MANBA: variants seen among roughly 807,000 people sequenced by gnomAD.
MANBA encodes mannosidase beta, also known as beta-mannosidase.
In MANBA, 83 loss-of-function variants were observed where a neutral mutation model predicts 111.1. The observed-to-expected ratio is 0.75, with a 90% CI of 0.63 to 0.90. The LOEUF (loss-of-function observed/expected upper bound fraction) is 0.90. Among genes scored for constraint, MANBA ranks in the 40% least tolerant of loss-of-function variants. The pLI is 0.00. For synonymous variants in MANBA, 370 were observed against 378.7 expected, an observed-to-expected ratio of 0.98 and a Z score of 0.27; for missense variants, 1,036 against 1,069.0, an observed-to-expected ratio of 0.97 and a Z score of 0.43.
Position 102,723,953 on chromosome 4 carries a change from A to C in MANBA, c.287T>G (p.Val96Gly). Residue 96 changes from valine (V) to glycine (G), a missense_variant, in exon 3 of 17, where the codon GTA becomes GGA. Physicochemically the swap from Val to Gly is moderately radical, Grantham distance 109 (BLOSUM62 -3). Coordinates refer to ENST00000647097, the MANE Select transcript of MANBA (RefSeq NM_005908.4). Reference protein sequence around the residue: ...IPFEISKWQKVNLILEGVDTV... With the variant: ...IPFEISKWQKGNLILEGVDTV... ...ATCCACTCCCTCAAGAATCAAATTT[A>C]CTTTTTGCCATTTGCTAAAAAAAAG... The C allele has an allele frequency of 1.1e-5, 18 of 1,605,732 alleles. No individual in the cohort carries two copies. The highest frequency in any genetic ancestry group is 1.4e-5 in the Non-Finnish European group (17 of 1,173,338).
At position 102,648,543 on chromosome 4, in the gene MANBA, A is replaced by G. The variant is rs148292684; in HGVS notation, c.1869+1994T>C. On this transcript the variant is annotated intron_variant, in intron 13 of 16. Coordinates refer to ENST00000647097, the MANE Select transcript of MANBA (RefSeq NM_005908.4). ...GTTGAGAAAAGTAAAATCTATAGAG[A>G]CAGAAAATAGATTTATGTTGTCTTG... Among the ~76,000 whole-genome samples, 348 of 152,234 alleles carry G rather than the reference A, an allele frequency of 2.3e-3. 1 individual carries two copies. Among genetic ancestry groups the G allele is most frequent in the African/African-American group, 8.1e-3 (338 of 41,554 alleles).
intron 13 of MANBA, among the ~76,000 whole-genome samples, chr4:102,642,790 T>G (rs1409606433): frequency 6.6e-6 from 1 of 152,068 alleles, no homozygotes; most frequent in Non-Finnish European, 1.5e-5. Context: ...CAATATCCCT[T>G]TCCTCCAGAG....
At chr4:102,652,254 C>T (rs1045823990) in intron 12 of MANBA, among the ~76,000 whole-genome samples, 1 of 152,190 alleles carries the variant, frequency 6.6e-6, no homozygotes, top group Non-Finnish European at 1.5e-5. Flanking sequence ...CCCTCCCTGG[C>T]AACCCTTCCA....
chr4:102,706,880 AC>A (rs1733321619), intron 5 of MANBA, among the ~76,000 whole-genome samples: 1 of 152,134 alleles, frequency 6.6e-6, no homozygotes, highest in African/African-American at 2.4e-5. Flanking sequence ...GTCAAACAAA[AC>A]TTTTTTAAAA....
intron 1 of MANBA, chr4:102,734,373 G>C: frequency 6.2e-7 from 1 of 1,609,920 alleles, no homozygotes; most frequent in Non-Finnish European, 8.5e-7. Flanking sequence ...CTCTGACCTA[G>C]ACTTCTCACC....
chr4:102,685,189 T>C (rs1401201940), intron 7 of MANBA, among the ~76,000 whole-genome samples: 1 of 152,216 alleles, frequency 6.6e-6, no homozygotes, highest in African/African-American at 2.4e-5. Context: ...GAAGTGCTAG[T>C]AATTAATGTT....
chr4:102,733,867 ACAT>A (rs1160267820), intron 1 of MANBA, among the ~76,000 whole-genome samples: 4 of 152,264 alleles, frequency 2.6e-5, no homozygotes, highest in Non-Finnish European at 5.9e-5. Context: ...ATCTTTAACT[ACAT>A]TTGTTGTAAT....
At position 102,630,859 on chromosome 4, in the gene MANBA, C is replaced by T. The variant is rs1385275465; in HGVS notation, c.*1198G>A. ...AAACTGAGCACAGGAAGTTAAGTAA[C>T]TTGATTAAGGTTACAGAACTAGTAA... On this transcript the variant is annotated 3_prime_UTR_variant, in exon 17 of 17. Transcript: ENST00000647097. 1 of 152,194 alleles carries T rather than the reference C, an allele frequency of 6.6e-6. No individual in the cohort carries two copies. The highest frequency in any genetic ancestry group is 2.4e-5 in the African/African-American group (1 of 41,434). 9.4% of individuals were successfully genotyped at this position (152,194 alleles called of 1,614,324 possible).
intron 7 of MANBA, among the ~76,000 whole-genome samples, chr4:102,676,953 C>T (rs1024430788): frequency 1.3e-5 from 2 of 152,118 alleles, no homozygotes; most frequent in Admixed American, 1.3e-4. Flanking sequence ...TAAGACTGTC[C>T]TTGATAAAGC....
intron 1 of MANBA, among the ~76,000 whole-genome samples, chr4:102,755,722 T>C (rs1723985108): frequency 6.6e-6 from 1 of 152,200 alleles, no homozygotes. Flanking sequence ...AATCTATCCA[T>C]CTGACAAAGG....
At chr4:102,639,927 C>T in intron 13 of MANBA, 70 bp from the exon 14 acceptor site, 7 of 1,558,634 alleles carry the variant, frequency 4.5e-6, no homozygotes, top group Non-Finnish European at 6.2e-6. Context: ...GAGAAAAATA[C>T]AGGGTTTAGT....
rs756659815 is a variant in MANBA, at chr4:102,650,606, T to C, written c.1800A>G (p.Gly600=). ...TGCTTTGGGGGAGTTTGAAATGAAG[T>C]CCAGCCTGATAAAGCATTTGTTTGT... The part of the protein sequence containing the change: ...GGNKQMLYQA[G]LHFKLPQSTD... Residue 600 remains glycine (G), a synonymous_variant, in exon 13 of 17, where the codon GGA becomes GGG. Coordinates refer to ENST00000647097, the MANE Select transcript of MANBA (RefSeq NM_005908.4). 9.9e-6 allele frequency: 16 copies of C among 1,613,398 alleles called. No individual in the cohort carries two copies. The East Asian group carries it at 3.6e-4, about 36-fold the overall frequency.
chr4:102,745,992 G>A (rs535151488), intron 1 of MANBA, among the ~76,000 whole-genome samples: 3 of 152,282 alleles, frequency 2.0e-5, no homozygotes, highest in Non-Finnish European at 2.9e-5. Context: ...GAGAATCAAC[G>A]TTATTTTGCC....
chr4:102,730,901 C>T (rs1560803457), intron 1 of MANBA, among the ~76,000 whole-genome samples: 1 of 152,182 alleles, frequency 6.6e-6, no homozygotes, highest in Non-Finnish European at 1.5e-5. Flanking sequence ...TAACTCACAT[C>T]TGTTCCCTTG....
Position 102,726,672 on chromosome 4 carries a change from G to A in MANBA, c.189C>T (p.Tyr63=), listed in dbSNP as rs538324672. ...ATCTGTAGTTAAGGTCATTAAATCTGTAGTAAGAATCCTGTTGATACAAGG... is the reference window on the plus strand; with the variant it reads ...ATCTGTAGTTAAGGTCATTAAATCTATAGTAAGAATCCTGTTGATACAAGG... The part of the protein sequence containing the change: ...FQQGLIQDSY[Y]RFNDLNYRWV... The change falls in exon 2 of 17, where the codon TAC becomes TAT. Residue 63 remains tyrosine (Y), a synonymous_variant. Coordinates refer to ENST00000647097, the MANE Select transcript of MANBA (RefSeq NM_005908.4). The A allele has an allele frequency of 1.3e-6, 2 of 1,527,798 alleles. No individual in the cohort carries two copies. The highest frequency in any genetic ancestry group is 1.1e-5 in the South Asian group (1 of 88,830). The allele number at this position is 1,527,798 out of a possible 1,614,324, so 94.6% of individuals were successfully genotyped here.
intron 1 of MANBA, chr4:102,729,137 A>ACAGC (rs538184674): frequency 1.4e-4 from 105 of 729,868 alleles, no homozygotes; most frequent in Non-Finnish European, 2.6e-4. Context: ...GGCATCCTTA[A>ACAGC]CAGCCAGCCC....
chr4:102,692,281 AAAG>A (rs1732515032), intron 5 of MANBA, among the ~76,000 whole-genome samples: 1 of 152,162 alleles, frequency 6.6e-6, no homozygotes, highest in Non-Finnish European at 1.5e-5. Context: ...TGTTGATCAG[AAAG>A]AAGAGAAAAC....
At chr4:102,749,145 T>C (rs983869156) in intron 1 of MANBA, among the ~76,000 whole-genome samples, 7 of 149,846 alleles carry the variant, frequency 4.7e-5, no homozygotes, top group Non-Finnish European at 7.4e-5. Flanking sequence ...CTAGGCTTAG[T>C]TTCCTGAGAA....
intron 7 of MANBA, among the ~76,000 whole-genome samples, chr4:102,680,283 G>A (rs1001095982): frequency 2.6e-5 from 4 of 152,172 alleles, no homozygotes; most frequent in African/African-American, 9.7e-5. Flanking sequence ...CATTGTTCAA[G>A]ATGGAGTCTA....
Sources: gnomAD v4.1 joint callset for allele counts (sites outside exome capture counted in the v4.1 genomes callset) on GRCh38, gnomAD v4.1.1 for gene constraint, MANE v1.5 for transcripts, NCBI Gene and HGNC (gene_info 2026-07-23, HGNC 2026-07-21) for gene names.